FBXW11: variants seen among roughly 807,000 people sequenced by gnomAD.
FBXW11 encodes F-box and WD repeat domain containing 11.
Under a neutral mutation model 77.6 loss-of-function variants are expected in FBXW11, and 19 were observed. That is an observed-to-expected ratio of 0.24 (90% confidence interval 0.17 to 0.36). The LOEUF (loss-of-function observed/expected upper bound fraction) is 0.36. FBXW11 is among the 10% of genes least tolerant of loss of function. The pLI is 1.00. For synonymous variants in FBXW11, 235 were observed against 249.4 expected, an observed-to-expected ratio of 0.94 and a Z score of 0.54; for missense variants, 334 against 704.2, an observed-to-expected ratio of 0.47 and a Z score of 5.95.
intron 1 of FBXW11, among the ~76,000 whole-genome samples, chr5:171,972,502 T>TAAAAAAAAA (rs70982360): frequency 3.1e-4 from 15 of 48,218 alleles, no homozygotes; most frequent in African/African-American, 1.5e-3. Flanking sequence ...CTCTGTCTCA[T>TAAAAAAAAA]AAAAAAAAAA....
rs775626358 is a variant in FBXW11, at chr5:171,868,595, G to A, written c.*25+15C>T. ...TTCAATCAGCAAAATTGGAAGGGGAGAGGATAGTACTCACCTGAAACGGGT... is the reference window on the plus strand; with the variant it reads ...TTCAATCAGCAAAATTGGAAGGGGAAAGGATAGTACTCACCTGAAACGGGT... On this transcript the variant is annotated intron_variant, in intron 13 of 13. Coordinates refer to ENST00000517395, the MANE Select transcript of FBXW11 (RefSeq NM_001378974.1). 1.9e-6 allele frequency: 3 copies of A among 1,566,432 alleles called. No individual in the cohort carries two copies. Among genetic ancestry groups the A allele is most frequent in the Non-Finnish European group, 2.6e-6 (3 of 1,156,910 alleles).
At chr5:171,923,914 T>A in intron 2 of FBXW11, among the ~76,000 whole-genome samples, 1 of 6,546 alleles carries the variant, frequency 1.5e-4, no homozygotes, top group South Asian at 0.062. Context: ...CCCACCTTTT[T>A]TTTTTTTTTT....
chr5:171,881,344 G>A (rs557276925), intron 7 of FBXW11, among the ~76,000 whole-genome samples: 1 of 152,106 alleles, frequency 6.6e-6, no homozygotes, highest in Non-Finnish European at 1.5e-5. Context: ...GTTAGCTATA[G>A]GCTTTTTGTA....
Position 171,962,400 on chromosome 5 carries a change from T to A in FBXW11, c.46-4702A>T, listed in dbSNP as rs143138114. Reference sequence around the variant, plus strand: ...ACTTGTAATGATTAATATTCTAATTTAGGGTTGTTCACAGAGAACAGGAAA... The same window carrying A: ...ACTTGTAATGATTAATATTCTAATTAAGGGTTGTTCACAGAGAACAGGAAA... On this transcript the variant is annotated intron_variant, in intron 1 of 13. Transcript: ENST00000517395. Among the ~76,000 whole-genome samples, 6 of 152,312 alleles carry A rather than the reference T, an allele frequency of 3.9e-5. No homozygotes were observed. In the East Asian group the frequency reaches 1.2e-3, roughly 29 times the overall value.
At chr5:171,867,942 T>G (rs2113743004) in intron 13 of FBXW11, 1 of 152,362 alleles carries the variant, frequency 6.6e-6, no homozygotes, top group East Asian at 1.9e-4. Flanking sequence ...AGTCATCAGT[T>G]CCTAGGACAC....
chr5:171,873,045 A>G, intron 9 of FBXW11, 55 bp from the exon 10 acceptor site: 1 of 1,376,008 alleles, frequency 7.3e-7, no homozygotes, highest in Non-Finnish European at 1.0e-6. Flanking sequence ...GTCCTCTCAC[A>G]ATATACCTTT....
chr5:171,983,150 T>A (rs1765244054), intron 1 of FBXW11, among the ~76,000 whole-genome samples: 1 of 152,064 alleles, frequency 6.6e-6, no homozygotes, highest in African/African-American at 2.4e-5. Flanking sequence ...TTTGTGCCGC[T>A]ACACTCCAGC....
At chr5:171,993,671 T>G (rs1172769945) in intron 1 of FBXW11, among the ~76,000 whole-genome samples, 1 of 152,132 alleles carries the variant, frequency 6.6e-6, no homozygotes, top group East Asian at 1.9e-4. Context: ...CACTGTAAAT[T>G]AATAAATTAA....
chr5:171,895,949 C>T (rs531135781), intron 6 of FBXW11, among the ~76,000 whole-genome samples: 4 of 152,178 alleles, frequency 2.6e-5, no homozygotes, highest in Non-Finnish European at 4.4e-5. Flanking sequence ...CTATGTGTGG[C>T]AAGAACACCC....
At chr5:171,917,384 G>A (rs982374026) in intron 2 of FBXW11, among the ~76,000 whole-genome samples, 1 of 152,146 alleles carries the variant, frequency 6.6e-6, no homozygotes, top group Non-Finnish European at 1.5e-5. Context: ...TCTTCACAGT[G>A]AGAAAATTTC....
chr5:171,891,396 G>T, intron 7 of FBXW11, 71 bp downstream of exon 7: 1 of 1,388,170 alleles, frequency 7.2e-7, no homozygotes, highest in Non-Finnish European at 9.6e-7. Context: ...TAAATGGAAA[G>T]ATTGTCACAT....
At chr5:171,962,093 G>A (rs1355382225) in intron 1 of FBXW11, among the ~76,000 whole-genome samples, 1 of 151,222 alleles carries the variant, frequency 6.6e-6, no homozygotes, top group Non-Finnish European at 1.5e-5. Context: ...TAAATTCACA[G>A]TACAGACGAT....
chr5:171,984,260 C>T (rs1162684802), intron 1 of FBXW11, among the ~76,000 whole-genome samples: 4 of 152,196 alleles, frequency 2.6e-5, no homozygotes, highest in Non-Finnish European at 5.9e-5. Context: ...GTGCTGTGCA[C>T]ACATGTAAAA....
chr5:171,881,082 T>C (rs564276471), intron 7 of FBXW11, among the ~76,000 whole-genome samples: 86 of 152,370 alleles, frequency 5.6e-4, no homozygotes, highest in African/African-American at 2.0e-3. Flanking sequence ...TAACCTTGTA[T>C]CCGGCAAACT....
rs397999920 is a variant in FBXW11, at chr5:171,893,421, CAAAAAAAAAAAAAAAAA to C, written c.715-1834_715-1818del. ...GACATACAAAAGCACACTTCAAAAC[CAAAAAAAAAAAAAAAAA>C]AAAAAAAAACTAACCCAACCATCTC... On this transcript the variant is annotated intron_variant, in intron 6 of 13. Transcript: ENST00000517395. 2.3e-4 allele frequency among the ~76,000 whole-genome samples: 9 copies of C among 39,844 alleles called. No individual in the cohort carries two copies. The East Asian group carries it at 9.6e-3, about 42-fold the overall frequency. 26.1% of individuals were successfully genotyped at this position (39,844 alleles called of 152,430 possible). A position where few individuals can be genotyped will look rare whatever the true frequency, so the allele number is the denominator to read the frequency against.
Position 171,863,358 on chromosome 5 carries a change from A to G in FBXW11, c.*769T>C, listed in dbSNP as rs552492727. On this transcript the variant is annotated 3_prime_UTR_variant, in exon 14 of 14. Coordinates refer to ENST00000517395, the MANE Select transcript of FBXW11 (RefSeq NM_001378974.1). ...TTAAACTGTTATGTACATTATATCTACATGCGAATACAGTATTTTAAATTA... is the reference window on the plus strand; with the variant it reads ...TTAAACTGTTATGTACATTATATCTGCATGCGAATACAGTATTTTAAATTA... The G allele has an allele frequency of 6.5e-6, 1 of 152,778 alleles. No individual in the cohort carries two copies. Among genetic ancestry groups the G allele is most frequent in the South Asian group, 2.1e-4 (1 of 4,826 alleles). The allele number at this position is 152,778 out of a possible 1,614,324, so 9.5% of individuals were successfully genotyped here.
chr5:171,956,312 C>T (rs1400141473), intron 2 of FBXW11, among the ~76,000 whole-genome samples: 1 of 152,170 alleles, frequency 6.6e-6, no homozygotes, highest in Non-Finnish European at 1.5e-5. Context: ...ACAGAAGCTG[C>T]TTTTCCAAAA....
intron 2 of FBXW11, among the ~76,000 whole-genome samples, chr5:171,938,803 AAC>A (rs1762604564): frequency 6.6e-6 from 1 of 152,222 alleles, no homozygotes; most frequent in Admixed American, 6.5e-5. Context: ...ATATGAACAC[AAC>A]AGAGTACTAT....
intron 1 of FBXW11, among the ~76,000 whole-genome samples, chr5:171,985,723 C>T (rs562494411): frequency 2.6e-5 from 4 of 152,246 alleles, no homozygotes; most frequent in South Asian, 2.1e-4. Flanking sequence ...GCTATGACTG[C>T]ACCTCTGCAC....
Sources: gnomAD v4.1 joint callset for allele counts (sites outside exome capture counted in the v4.1 genomes callset) on GRCh38, gnomAD v4.1.1 for gene constraint, MANE v1.5 for transcripts, NCBI Gene and HGNC (gene_info 2026-07-23, HGNC 2026-07-21) for gene names.